Variants in TFCP2L1 observed in about 807,000 individuals in gnomAD.
TFCP2L1 encodes the protein transcription factor CP2 like 1, also known as transcription factor CP2-like protein 1.
In TFCP2L1, 12 loss-of-function variants were observed where a neutral mutation model predicts 72.2. That is an observed-to-expected ratio of 0.17 (90% confidence interval 0.11 to 0.27). The LOEUF (loss-of-function observed/expected upper bound fraction) is 0.27. Among genes scored for constraint, TFCP2L1 ranks in the 10% least tolerant of loss-of-function variants. TFCP2L1 has a pLI of 1.00. For missense variants in TFCP2L1, 488 were observed against 624.6 expected (o/e 0.78, Z 2.33); for synonymous variants, 260 against 251.0 (o/e 1.04, Z -0.34).
chr2:121,275,404 A>AAAAAAAAAAAAG (rs1687126882), intron 2 of TFCP2L1, among the ~76,000 whole-genome samples: 1 of 150,546 alleles, frequency 6.6e-6, no homozygotes, highest in Non-Finnish European at 1.5e-5. Flanking sequence ...ATCTCAAAAA[A>AAAAAAAAAAAAG]AAAAAAAAAA....
intron 10 of TFCP2L1, among the ~76,000 whole-genome samples, 181 bp downstream of exon 10, chr2:121,237,442 T>C (rs1225461411): frequency 6.6e-6 from 1 of 152,146 alleles, no homozygotes; most frequent in Non-Finnish European, 1.5e-5. Flanking sequence ...GGGGGCAGCA[T>C]CACCTATGTC....
intron 6 of TFCP2L1, among the ~76,000 whole-genome samples, chr2:121,243,736 C>T (rs1686426613): frequency 6.6e-6 from 1 of 151,774 alleles, no homozygotes; most frequent in African/African-American, 2.4e-5. Flanking sequence ...CCCCCGCCAC[C>T]TCTATATGAG....
rs143433298 is a variant in TFCP2L1, at chr2:121,237,702, T to C, written c.924A>G (p.Ser308=). ...LPVGSDHLLP[S]ASIQDAQQWL... ...ACTGCTGGGCATCCTGGATCGAAGC[T>C]GATGGGAGCAGGTGCTGTGAGCAGA... The change falls in exon 10 of 15, where the codon TCA becomes TCG. Residue 308 remains serine (S), a synonymous_variant. Coordinates refer to ENST00000263707, the MANE Select transcript of TFCP2L1 (RefSeq NM_014553.3). The C allele has an allele frequency of 2.7e-4, 429 of 1,614,106 alleles. No individual in the cohort carries two copies. In the African/African-American group the frequency reaches 5.4e-3, roughly 20 times the overall value.
chr2:121,231,711 G>T, intron 13 of TFCP2L1, 115 bp downstream of exon 13: 1 of 1,431,326 alleles, frequency 7.0e-7, no homozygotes. Flanking sequence ...CAGGTGGTGT[G>T]CAGATGAACC....
rs575387647 is a variant in TFCP2L1, at chr2:121,281,872, C to G, written c.63-601G>C. On this transcript the variant is annotated intron_variant, in intron 1 of 14. Coordinates refer to ENST00000263707, the MANE Select transcript of TFCP2L1 (RefSeq NM_014553.3). ...GTTTTCAGGGTCATTCTAATCTGTC[C>G]AAAAGGCAAACAGGAAGGAAGGACC... Among the ~76,000 whole-genome samples, 5 of 124,174 alleles carry G rather than the reference C, an allele frequency of 4.0e-5. No homozygotes were observed. The South Asian group carries it at 1.2e-3, about 31-fold the overall frequency. The allele number at this position is 124,174 out of a possible 152,430, so 81.5% of individuals were successfully genotyped here.
At chr2:121,273,385 T>A (rs963403403) in intron 2 of TFCP2L1, among the ~76,000 whole-genome samples, 1 of 152,160 alleles carries the variant, frequency 6.6e-6, no homozygotes, top group Non-Finnish European at 1.5e-5. Context: ...ATGTCTACAA[T>A]GACCTTTGGC....
At chr2:121,241,944 C>A (rs1170261706) in intron 7 of TFCP2L1, among the ~76,000 whole-genome samples, 3 of 152,022 alleles carry the variant, frequency 2.0e-5, no homozygotes, top group African/African-American at 2.4e-5. Flanking sequence ...CACCTGCAGA[C>A]AAAGTTGGGC....
intron 2 of TFCP2L1, among the ~76,000 whole-genome samples, chr2:121,259,458 T>C (rs1355003066): frequency 6.6e-6 from 1 of 152,196 alleles, no homozygotes; most frequent in Non-Finnish European, 1.5e-5. Context: ...CATAGGTGCA[T>C]CTATATAGAT....
intron 14 of TFCP2L1, 145 bp from the exon 15 acceptor site, chr2:121,224,532 A>G (rs962819296): frequency 1.1e-5 from 8 of 743,800 alleles, no homozygotes; most frequent in Non-Finnish European, 1.6e-5. Flanking sequence ...TGGCAGAAGC[A>G]GGGATCTCAC....
chr2:121,254,087 C>T (rs1686664568), intron 2 of TFCP2L1, among the ~76,000 whole-genome samples: 1 of 152,204 alleles, frequency 6.6e-6, no homozygotes, highest in Non-Finnish European at 1.5e-5. Flanking sequence ...TGGGTGGAAG[C>T]CAGGACAGCG....
At position 121,219,750 on chromosome 2, in the gene TFCP2L1, C is replaced by T. The variant is rs1303686563; in HGVS notation, c.*4591G>A. On this transcript the variant is annotated 3_prime_UTR_variant, in exon 15 of 15. Transcript: ENST00000263707. ...CCTCCCAAAATGCTAGGATTAGAGG[C>T]ATGGGCCACCACGTCCAGCTTTTTG... 1 of 152,230 alleles carries T rather than the reference C, an allele frequency of 6.6e-6. No homozygotes were observed. Among genetic ancestry groups the T allele is most frequent in the Non-Finnish European group, 1.5e-5 (1 of 68,042 alleles). The allele number at this position is 152,230 out of a possible 1,614,324, so 9.4% of individuals were successfully genotyped here.
chr2:121,264,235 C>T (rs376129126), intron 2 of TFCP2L1, among the ~76,000 whole-genome samples: 1 of 152,224 alleles, frequency 6.6e-6, no homozygotes, highest in Non-Finnish European at 1.5e-5. Flanking sequence ...CCACCACCTA[C>T]CTGCTCCAGG....
chr2:121,225,281 G>T (rs562195442), intron 14 of TFCP2L1, among the ~76,000 whole-genome samples: 1 of 152,212 alleles, frequency 6.6e-6, no homozygotes, highest in Admixed American at 6.5e-5. Context: ...TTCCAGGCTT[G>T]ATCTTCCCGG....
At position 121,248,280 on chromosome 2, in the gene TFCP2L1, C is replaced by T. The variant is rs758429904; in HGVS notation, c.398-10G>A. 6.2e-7 allele frequency: 1 copy of T among 1,601,962 alleles called. No individual in the cohort carries two copies. The highest frequency in any genetic ancestry group is 1.1e-5 in the South Asian group (1 of 90,254). On this transcript the variant is annotated splice_polypyrimidine_tract_variant and intron_variant, in intron 4 of 14. Transcript: ENST00000263707. ...ACAGACAGTGGAATATCTGCATACA[C>T]ACACACACATACAGAAAGTGCAATT...
intron 5 of TFCP2L1, 68 bp downstream of exon 5, chr2:121,248,096 G>A: frequency 7.0e-7 from 1 of 1,420,996 alleles, no homozygotes; most frequent in Non-Finnish European, 9.7e-7. Flanking sequence ...GGTTAGTTTT[G>A]AGAAACTGCA....
intron 1 of TFCP2L1, among the ~76,000 whole-genome samples, 193 bp from the exon 2 acceptor site, chr2:121,281,464 C>T (rs549061643): frequency 3.3e-5 from 5 of 152,142 alleles, no homozygotes; most frequent in East Asian, 1.9e-4. Flanking sequence ...ACCGCTCCTT[C>T]GTGACTCTAG....
intron 13 of TFCP2L1, among the ~76,000 whole-genome samples, chr2:121,227,311 A>G (rs1686048917): frequency 6.6e-6 from 1 of 152,204 alleles, no homozygotes; most frequent in South Asian, 2.1e-4. Context: ...TGGTTCTTTA[A>G]CTGTATAAGT....
chr2:121,255,983 C>T (rs935836684), intron 2 of TFCP2L1, among the ~76,000 whole-genome samples: 2 of 152,140 alleles, frequency 1.3e-5, no homozygotes, highest in African/African-American at 2.4e-5. Context: ...CCTCGTGATC[C>T]ACCCACCTCG....
chr2:121,260,816 G>A lies in TFCP2L1; in HGVS notation c.215-11169C>T, dbSNP rs751293667. On this transcript the variant is annotated intron_variant, in intron 2 of 14. Transcript: ENST00000263707. Reference sequence around the variant, plus strand: ...GCTGTGCCCCAGTGAGCAGAACCCAGCACAGGGCCTCCTGCCTGGATCACA... The same window carrying A: ...GCTGTGCCCCAGTGAGCAGAACCCAACACAGGGCCTCCTGCCTGGATCACA... Among the ~76,000 whole-genome samples, 159 of 152,226 alleles carry A rather than the reference G, an allele frequency of 1.0e-3. 1 individual carries two copies. The highest frequency in any genetic ancestry group is 2.0e-3 in the Non-Finnish European group (136 of 68,036).
Sources: gnomAD v4.1 joint callset for allele counts (sites outside exome capture counted in the v4.1 genomes callset) on GRCh38, gnomAD v4.1.1 for gene constraint, MANE v1.5 for transcripts, NCBI Gene and HGNC (gene_info 2026-07-23, HGNC 2026-07-21) for gene names.